Variants in SH3RF3 observed in about 807,000 individuals in gnomAD.
The protein encoded by SH3RF3 is E3 ubiquitin-protein ligase SH3RF3.
Under a neutral mutation model 66.3 loss-of-function variants are expected in SH3RF3, and 29 were observed. The ratio of observed to expected loss-of-function variants is 0.44; its 90% CI spans 0.33 to 0.60. The LOEUF (loss-of-function observed/expected upper bound fraction) is 0.60, where lower values mean the gene tolerates loss of function less well. Ranked by LOEUF, SH3RF3 falls within the 20% of genes least tolerant of loss-of-function variation. The probability of loss-of-function intolerance (pLI) is 0.04; values close to 1 mark genes in which losing one functional copy is unlikely to be tolerated. For missense variants in SH3RF3, 1,194 were observed against 1,190.9 expected, an observed-to-expected ratio of 1.00 and a Z score of -0.04; for synonymous variants, 583 against 532.0, an observed-to-expected ratio of 1.10 and a Z score of -1.32.
intron 2 of SH3RF3, among the ~76,000 whole-genome samples, chr2:109,360,433 T>C (rs1212255580): frequency 6.6e-6 from 1 of 152,206 alleles, no homozygotes; most frequent in Non-Finnish European, 1.5e-5. Flanking sequence ...TGCACAAAAT[T>C]ATTAAAATGT....
chr2:109,453,661 C>T (rs1267348927), intron 8 of SH3RF3, among the ~76,000 whole-genome samples: 2 of 152,172 alleles, frequency 1.3e-5, no homozygotes, highest in East Asian at 1.9e-4. Context: ...CCTGGCAGAG[C>T]GCAGGCACAC....
chr2:109,466,072 C>CTTTTTTTTTTTTTTTTTTTTTTTTTTTTT (rs1171998206), intron 8 of SH3RF3, among the ~76,000 whole-genome samples: 2 of 82,334 alleles, frequency 2.4e-5, no homozygotes. Context: ...ACCTGTACAT[C>CTTTTTTTTTTTTTTTTTTTTTTTTTTTTT]TTTTTTTTTT....
intron 4 of SH3RF3, among the ~76,000 whole-genome samples, chr2:109,415,187 C>T (rs116092965): frequency 0.019 from 2,853 of 152,320 alleles, 35 homozygotes; most frequent in Non-Finnish European, 0.026. Flanking sequence ...GAACACAGCC[C>T]TGCCACACCT....
chr2:109,150,461 C>G (rs1419482572), intron 1 of SH3RF3, among the ~76,000 whole-genome samples: 1 of 152,184 alleles, frequency 6.6e-6, no homozygotes, highest in African/African-American at 2.4e-5. Context: ...AAAACAATTT[C>G]TTAGAAAAAT....
At chr2:109,241,568 C>T (rs1434561908) in intron 1 of SH3RF3, among the ~76,000 whole-genome samples, 1 of 152,134 alleles carries the variant, frequency 6.6e-6, no homozygotes, top group Non-Finnish European at 1.5e-5. Flanking sequence ...CTTCTTCCCT[C>T]CCACTTGGCC....
At chr2:109,258,818 G>A (rs115100087) in intron 1 of SH3RF3, among the ~76,000 whole-genome samples, 152 of 152,346 alleles carry the variant, frequency 1.0e-3, no homozygotes, top group African/African-American at 3.6e-3. Context: ...GTCAGAGCAG[G>A]ACCCATCCAG....
At chr2:109,324,609 A>G (rs554898629) in intron 1 of SH3RF3, among the ~76,000 whole-genome samples, 1 of 152,354 alleles carries the variant, frequency 6.6e-6, no homozygotes, top group South Asian at 2.1e-4. Flanking sequence ...GCAAAGTGCT[A>G]ATAAGCCCTT....
chr2:109,293,001 G>A (rs992854772), intron 1 of SH3RF3, among the ~76,000 whole-genome samples: 2 of 152,156 alleles, frequency 1.3e-5, no homozygotes, highest in African/African-American at 2.4e-5. Flanking sequence ...CAAAGTTCTG[G>A]GATTACAGGC....
rs1425966909 is a variant in SH3RF3 at position 109,200,126 on chromosome 2, A to G, written c.573+70013A>G. On this transcript the variant is annotated intron_variant, in intron 1 of 9. Transcript: ENST00000309415. The stretch of plus-strand genomic sequence containing the variant: ...GTGATGTGGAGGAAATGTTACGGAC[A>G]TGCTCCACATGCTCCTAAGGTGACT... 2.6e-5 allele frequency among the ~76,000 whole-genome samples: 4 copies of G among 152,294 alleles called. No homozygotes were observed. The East Asian group carries it at 7.7e-4, about 29-fold the overall frequency.
chr2:109,246,868 C>T (rs1679930494), intron 1 of SH3RF3, among the ~76,000 whole-genome samples: 2 of 152,184 alleles, frequency 1.3e-5, no homozygotes, highest in Non-Finnish European at 2.9e-5. Context: ...GTCTTCCTTC[C>T]ATTCGGTGGC....
chr2:109,435,953 A>G (rs940733482), intron 6 of SH3RF3, among the ~76,000 whole-genome samples: 5 of 152,124 alleles, frequency 3.3e-5, no homozygotes, highest in Non-Finnish European at 5.9e-5. Flanking sequence ...TCCTTTTCCA[A>G]GAGGCCCCTC....
At chr2:109,482,464 G>C (rs957734304) in intron 8 of SH3RF3, among the ~76,000 whole-genome samples, 1 of 152,136 alleles carries the variant, frequency 6.6e-6, no homozygotes, top group African/African-American at 2.4e-5. Flanking sequence ...ACCGTGCTGT[G>C]GCTGTTTATC....
chr2:109,419,772 G>A (rs992879860), intron 5 of SH3RF3, 130 bp downstream of exon 5: 23 of 780,534 alleles, frequency 2.9e-5, no homozygotes, highest in Admixed American at 5.4e-5. Context: ...AGTTATGTGC[G>A]TCTAATAACA....
intron 8 of SH3RF3, among the ~76,000 whole-genome samples, chr2:109,454,553 C>T (rs1677983579): frequency 6.6e-6 from 1 of 152,204 alleles, no homozygotes; most frequent in Non-Finnish European, 1.5e-5. Context: ...CTGTGGAGCC[C>T]TCTCCTTGGT....
At chr2:109,393,324 T>C (rs368729746) in intron 3 of SH3RF3, among the ~76,000 whole-genome samples, 15 of 152,190 alleles carry the variant, frequency 9.9e-5, no homozygotes, top group African/African-American at 3.6e-4. Flanking sequence ...TTGCAAACAG[T>C]GTTCTAGAAG....
chr2:109,277,422 A>G (rs1448731718), intron 1 of SH3RF3, among the ~76,000 whole-genome samples: 2 of 152,174 alleles, frequency 1.3e-5, no homozygotes. Context: ...CTCAATTACT[A>G]CGACTGTATA....
chr2:109,433,772 C>T (rs1677317431), intron 6 of SH3RF3, among the ~76,000 whole-genome samples: 1 of 152,210 alleles, frequency 6.6e-6, no homozygotes, highest in African/African-American at 2.4e-5. Flanking sequence ...TGCCCAAAGC[C>T]TGAAAGGTCT....
At chr2:109,395,736 G>C (rs1161848674) in intron 3 of SH3RF3, among the ~76,000 whole-genome samples, 3 of 152,226 alleles carry the variant, frequency 2.0e-5, no homozygotes, top group African/African-American at 7.2e-5. Context: ...CTGTGGCACT[G>C]CTGAGGGGCC....
At chr2:109,402,490 G>A (rs1321367209) in intron 4 of SH3RF3, among the ~76,000 whole-genome samples, 6 of 152,222 alleles carry the variant, frequency 3.9e-5, no homozygotes, top group Admixed American at 3.9e-4. Context: ...CTGCCATCGT[G>A]GGAAACGTGG....
Sources: allele counts gnomAD v4.1 joint callset (sites outside exome capture counted in the v4.1 genomes callset), GRCh38; gene constraint gnomAD v4.1.1; transcripts MANE v1.5; gene names NCBI Gene and HGNC (gene_info 2026-07-23, HGNC 2026-07-21).